CHST3: variants seen among roughly 807,000 people sequenced by gnomAD.
CHST3 encodes carbohydrate sulfotransferase 3.
CHST3 carries 20 observed loss-of-function variants against 35.4 expected under a neutral mutation model. The observed-to-expected ratio is 0.57, with a 90% confidence interval of 0.40 to 0.82. The LOEUF (loss-of-function observed/expected upper bound fraction) is 0.82. Ranked by LOEUF, CHST3 falls within the 40% of genes least tolerant of loss-of-function variation. CHST3 has a pLI of 0.00. For missense variants in CHST3, 693 were observed against 670.1 expected, an observed-to-expected ratio of 1.03 and a Z score of -0.38; for synonymous variants, 334 against 295.9, an observed-to-expected ratio of 1.13 and a Z score of -1.32.
rs147535559 is a variant in CHST3 at position 72,007,417 on chromosome 10, C to G, written c.386C>G (p.Ala129Gly). Residue 129 changes from alanine to glycine, a missense_variant, in exon 3 of 3, where the codon GCG becomes GGG. Coordinates refer to ENST00000373115, the MANE Select transcript of CHST3 (RefSeq NM_004273.5). ...GAGGAGCCGCCCAGACCGGCCGTGG[C>G]GGGGCCCCGGCGCCACGTGCTGCTC... Reference protein sequence around the residue: ...KEEEPPRPAVAGPRRHVLLMA... With the variant: ...KEEEPPRPAVGGPRRHVLLMA... The G allele has an allele frequency of 3.1e-6, 5 of 1,603,096 alleles. No homozygotes were observed. The African/African-American group carries it at 5.3e-5, about 17-fold the overall frequency.
intron 1 of CHST3, among the ~76,000 whole-genome samples, chr10:72,004,579 A>G (rs1039432834): frequency 3.7e-4 from 56 of 152,228 alleles, no homozygotes; most frequent in African/African-American, 1.3e-3. Context: ...ACAGTGTTAC[A>G]TAGCAAACAT....
Position 71,996,164 on chromosome 10 carries a change from C to T in CHST3, c.-107-9572C>T, listed in dbSNP as rs541463968. On this transcript the variant is annotated intron_variant, in intron 1 of 2. Coordinates refer to ENST00000373115, the MANE Select transcript of CHST3 (RefSeq NM_004273.5). ...TTTCCCAGGCTCTCTGTGCCTCCAC[C>T]TCCTCCCTCATTCATGAAAGACAAG... Among the ~76,000 whole-genome samples the T allele has an allele frequency of 2.0e-5, 3 of 152,112 alleles. 1 individual carries two copies. The highest frequency in any genetic ancestry group is 7.2e-5 in the African/African-American group (3 of 41,498).
rs938374261 is a variant in CHST3, at chr10:72,011,043, GAC to G, written c.*2574_*2575del. 2 of 152,176 alleles carry G rather than the reference GAC, an allele frequency of 1.3e-5. No homozygotes were observed. The highest frequency in any genetic ancestry group is 4.8e-5 in the African/African-American group (2 of 41,432). The allele number at this position is 152,176 out of a possible 1,614,324, so 9.4% of individuals were successfully genotyped here. A position where few individuals can be genotyped will look rare whatever the true frequency, so the allele number is the denominator to read the frequency against. On this transcript the variant is annotated 3_prime_UTR_variant, in exon 3 of 3. Transcript: ENST00000373115. ...ATTTATTTATTTTTTGAAAAGAAGA[GAC>G]AGAAAATACCTTATTATCTGCAGGG... is the stretch of plus-strand genomic sequence containing the variant.
At chr10:71,973,851 A>T (rs867991532) in intron 1 of CHST3, among the ~76,000 whole-genome samples, 1 of 152,220 alleles carries the variant, frequency 6.6e-6, no homozygotes, top group African/African-American at 2.4e-5. Flanking sequence ...GTTCCGATTG[A>T]AGACAGGGAC....
rs1310916317 is a variant in CHST3 at position 72,007,280 on chromosome 10, C to G, written c.249C>G (p.Leu83=). 1.9e-6 allele frequency: 3 copies of G among 1,614,088 alleles called. No homozygotes were observed. Among genetic ancestry groups the G allele is most frequent in the Admixed American group, 3.3e-5 (2 of 59,988 alleles). ...ENASLLSLSE[L]DSAFSQLQSR... is the part of the protein sequence containing the mutation. ...CATCTCTCTTGTCCCTGAGCGAGCT[C>G]GATTCAGCCTTCTCCCAGCTTCAGA... The change falls in exon 3 of 3, where the codon CTC becomes CTG. Residue 83 remains leucine (L), a synonymous_variant. Coordinates refer to ENST00000373115, the MANE Select transcript of CHST3 (RefSeq NM_004273.5).
chr10:71,981,605 G>A (rs1259213775), intron 1 of CHST3, among the ~76,000 whole-genome samples: 1 of 152,214 alleles, frequency 6.6e-6, no homozygotes, highest in Non-Finnish European at 1.5e-5. Context: ...GCCTCTGTCT[G>A]CCCACAGAAC....
At chr10:71,995,251 C>T (rs1447676463) in intron 1 of CHST3, among the ~76,000 whole-genome samples, 1 of 151,844 alleles carries the variant, frequency 6.6e-6, no homozygotes. Flanking sequence ...CTGATGAAAC[C>T]CCCTCTCTAC....
chr10:71,981,741 TG>T (rs1839803358), intron 1 of CHST3, among the ~76,000 whole-genome samples: 1 of 152,204 alleles, frequency 6.6e-6, no homozygotes, highest in Non-Finnish European at 1.5e-5. Flanking sequence ...CACTGAGGTT[TG>T]GTGCTAAGTA....
rs777186366 is a variant in CHST3 at position 72,013,395 on chromosome 10, A to G, written c.*4924A>G. On this transcript the variant is annotated 3_prime_UTR_variant, in exon 3 of 3. Transcript: ENST00000373115. Reference sequence around the variant, plus strand: ...CACTGTCGTCCCAGATGTCCTTGCCATGGCCACAGACAATCTGCCGTCTCC... The same window carrying G: ...CACTGTCGTCCCAGATGTCCTTGCCGTGGCCACAGACAATCTGCCGTCTCC... 3.3e-5 allele frequency: 5 copies of G among 152,112 alleles called. No homozygotes were observed. The highest frequency in any genetic ancestry group is 7.4e-5 in the Non-Finnish European group (5 of 68,022). 9.4% of individuals were successfully genotyped at this position (152,112 alleles called of 1,614,324 possible).
intron 1 of CHST3, among the ~76,000 whole-genome samples, chr10:72,003,717 A>AG (rs1554817248): frequency 6.7e-6 from 1 of 149,260 alleles, no homozygotes; most frequent in African/African-American, 2.5e-5. Context: ...AAAAAAAAAA[A>AG]GGGAATAGAC....
intron 1 of CHST3, 45 bp from the exon 2 acceptor site, chr10:72,005,691 C>T: frequency 1.1e-6 from 1 of 911,290 alleles, no homozygotes; most frequent in South Asian, 1.4e-5. Context: ...CCTCTGCATT[C>T]CTCGTGTACA....
rs760309767 is a variant in CHST3, at chr10:71,965,481, C to G, written c.-108+787C>G. Among the ~76,000 whole-genome samples the G allele has an allele frequency of 8.3e-4, 127 of 152,220 alleles. 1 individual carries two copies. The highest frequency in any genetic ancestry group is 2.9e-3 in the African/African-American group (122 of 41,524). On this transcript the variant is annotated intron_variant, in intron 1 of 2. Coordinates refer to ENST00000373115, the MANE Select transcript of CHST3 (RefSeq NM_004273.5). The stretch of plus-strand genomic sequence containing the variant: ...GGGACTTCCAAGGGAACCGGGTGAG[C>G]AGATTCCAGTCCTGGGTGTGGACGG...
chr10:71,967,718 A>G (rs1392284779), intron 1 of CHST3, among the ~76,000 whole-genome samples: 2 of 152,150 alleles, frequency 1.3e-5, no homozygotes, highest in African/African-American at 4.8e-5. Context: ...TAGAATGGTA[A>G]TCCTACTTTG....
intron 1 of CHST3, among the ~76,000 whole-genome samples, chr10:72,003,862 G>C (rs1371200302): frequency 6.6e-6 from 1 of 151,922 alleles, no homozygotes; most frequent in Non-Finnish European, 1.5e-5. Flanking sequence ...AGGCCAGCCT[G>C]GGCAATATAG....
In CHST3 at chr10:72,008,236, A is replaced by G; in HGVS notation, c.1205A>G (p.Gln402Arg). The change falls in exon 3 of 3, where the codon CAA becomes CGA. Residue 402 changes from glutamine (Q) to arginine (R), a missense_variant. Coordinates refer to ENST00000373115, the MANE Select transcript of CHST3 (RefSeq NM_004273.5). ...PLTPQVEDWI[Q>R]KNTQAAHDGS... ...ACCCCGCAGGTGGAAGACTGGATCC[A>G]AAAGAACACGCAGGCGGCCCACGAC... is the stretch of plus-strand genomic sequence containing the variant. 1 of 1,566,598 alleles carries G rather than the reference A, an allele frequency of 6.4e-7. No individual in the cohort carries two copies. Among genetic ancestry groups the G allele is most frequent in the Non-Finnish European group, 8.7e-7 (1 of 1,155,908 alleles).
rs1340449612 is a variant in CHST3 at position 72,007,587 on chromosome 10, C to T, written c.556C>T (p.Leu186=). ...PGGANAAGSA[L]VYRDVLKQLF... is the part of the protein sequence containing the mutation. ...GGGCGCCAACGCCGCGGGCTCGGCCCTGGTGTACCGCGACGTGCTCAAGCA... is the reference window on the plus strand; with the variant it reads ...GGGCGCCAACGCCGCGGGCTCGGCCTTGGTGTACCGCGACGTGCTCAAGCA... Residue 186 remains leucine (L), a synonymous_variant, in exon 3 of 3, where the codon CTG becomes TTG. Coordinates refer to ENST00000373115, the MANE Select transcript of CHST3 (RefSeq NM_004273.5). The T allele has an allele frequency of 1.9e-6, 3 of 1,609,398 alleles. No homozygotes were observed. The highest frequency in any genetic ancestry group is 2.5e-6 in the Non-Finnish European group (3 of 1,179,804).
At position 71,981,126 on chromosome 10, in the gene CHST3, C is replaced by G. The variant is rs536118671; in HGVS notation, c.-108+16432C>G. On this transcript the variant is annotated intron_variant, in intron 1 of 2. Transcript: ENST00000373115. ...AGAAGGTAGGTCAAGCGTGACTGCCCCATGGGGAAGGCTGTCCCCGCTGGC... is the reference window on the plus strand; with the variant it reads ...AGAAGGTAGGTCAAGCGTGACTGCCGCATGGGGAAGGCTGTCCCCGCTGGC... 3.9e-5 allele frequency among the ~76,000 whole-genome samples: 6 copies of G among 152,326 alleles called. No homozygotes were observed. In the South Asian group the frequency reaches 1.2e-3, roughly 32 times the overall value.
At chr10:71,975,123 C>T (rs1839732957) in intron 1 of CHST3, among the ~76,000 whole-genome samples, 1 of 152,192 alleles carries the variant, frequency 6.6e-6, no homozygotes, top group African/African-American at 2.4e-5. Flanking sequence ...TATGCCATGA[C>T]CTAGAGGAGA....
intron 1 of CHST3, among the ~76,000 whole-genome samples, chr10:71,982,634 C>T (rs768682966): frequency 3.9e-5 from 6 of 151,974 alleles, no homozygotes; most frequent in Non-Finnish European, 7.4e-5. Flanking sequence ...GCATCTGCCC[C>T]GGCTATTCAG....
Sources: gnomAD v4.1 joint callset for allele counts (sites outside exome capture counted in the v4.1 genomes callset) on GRCh38, gnomAD v4.1.1 for gene constraint, MANE v1.5 for transcripts, NCBI Gene and HGNC (gene_info 2026-07-23, HGNC 2026-07-21) for gene names.